Variants in ASTN2 observed in about 807,000 individuals in gnomAD.
ASTN2 encodes the protein astrotactin-2.
ASTN2 carries 54 observed loss-of-function variants against 139.8 expected under a neutral mutation model. The observed-to-expected ratio is 0.39, with a 90% CI of 0.31 to 0.48. The LOEUF (loss-of-function observed/expected upper bound fraction) is 0.48, where lower values mean the gene tolerates loss of function less well. Ranked by LOEUF, ASTN2 falls within the 20% of genes least tolerant of loss-of-function variation. The probability of loss-of-function intolerance (pLI) is 0.95; values close to 1 mark genes in which losing one functional copy is unlikely to be tolerated. For synonymous variants in ASTN2, 756 were observed against 719.5 expected, an observed-to-expected ratio of 1.05 and a Z score of -0.81; for missense variants, 1,565 against 1,725.1, an observed-to-expected ratio of 0.91 and a Z score of 1.64.
intron 12 of ASTN2, among the ~76,000 whole-genome samples, chr9:116,807,181 T>C (rs549069919): frequency 6.6e-6 from 1 of 152,246 alleles, no homozygotes; most frequent in Admixed American, 6.5e-5. Context: ...GTAGCAAAGA[T>C]TCATTGAAGC....
chr9:117,353,726 G>A (rs946314314), intron 1 of ASTN2, among the ~76,000 whole-genome samples: 8 of 152,092 alleles, frequency 5.3e-5, no homozygotes, highest in Non-Finnish European at 1.0e-4. Flanking sequence ...TGCCCTAATC[G>A]CGCCATCTGC....
chr9:116,740,142 T>C (rs1829059787), intron 13 of ASTN2, among the ~76,000 whole-genome samples: 1 of 152,218 alleles, frequency 6.6e-6, no homozygotes, highest in Non-Finnish European at 1.5e-5. Context: ...TTGGTGTGCA[T>C]ATGTGCATTC....
intron 13 of ASTN2, among the ~76,000 whole-genome samples, chr9:116,786,045 C>T (rs1830367181): frequency 6.6e-6 from 1 of 152,150 alleles, no homozygotes; most frequent in Non-Finnish European, 1.5e-5. Context: ...TTTTTTCCTA[C>T]TACTTGCCCC....
At chr9:116,911,924 CTGTG>C (rs1393063765) in intron 10 of ASTN2, among the ~76,000 whole-genome samples, 1 of 152,044 alleles carries the variant, frequency 6.6e-6, no homozygotes, top group African/African-American at 2.4e-5. Context: ...AACAAAACCT[CTGTG>C]TATTATTATC....
chr9:117,134,287 TATATATATACACACAC>T (rs71379266), intron 4 of ASTN2, among the ~76,000 whole-genome samples: 1,245 of 81,932 alleles, frequency 0.015, 17 homozygotes, highest in Non-Finnish European at 0.018. Context: ...TATATATATA[TATATATATACACACAC>T]ACACACACAC....
At chr9:116,824,127 T>C (rs1192604911) in intron 11 of ASTN2, among the ~76,000 whole-genome samples, 1 of 152,206 alleles carries the variant, frequency 6.6e-6, no homozygotes, top group African/African-American at 2.4e-5. Flanking sequence ...TCCACACTAC[T>C]TCTTATAAGT....
chr9:117,285,136 A>G (rs930996330), intron 2 of ASTN2, among the ~76,000 whole-genome samples: 10 of 152,216 alleles, frequency 6.6e-5, no homozygotes, highest in Non-Finnish European at 1.2e-4. Context: ...AAATAAACAC[A>G]ATATTTCAGT....
intron 12 of ASTN2, among the ~76,000 whole-genome samples, chr9:116,809,117 T>A (rs1831101732): frequency 6.6e-6 from 1 of 152,166 alleles, no homozygotes; most frequent in African/African-American, 2.4e-5. Context: ...GATATCTTAT[T>A]ACCTCTTTCT....
chr9:116,886,708 G>A (rs1314143311), intron 10 of ASTN2, among the ~76,000 whole-genome samples: 2 of 150,894 alleles, frequency 1.3e-5, no homozygotes, highest in African/African-American at 4.8e-5. Context: ...AGTGGGGATA[G>A]AACTTGGCAT....
intron 3 of ASTN2, chr9:117,197,303 A>G (rs1259857714): frequency 1.3e-5 from 2 of 152,200 alleles, no homozygotes; most frequent in Non-Finnish European, 2.9e-5. Flanking sequence ...GTCTTTAGTC[A>G]AGGGTATATG....
intron 11 of ASTN2, among the ~76,000 whole-genome samples, chr9:116,843,157 C>T (rs923395465): frequency 6.6e-6 from 1 of 152,004 alleles, no homozygotes; most frequent in South Asian, 2.1e-4. Flanking sequence ...CATTGTTGCC[C>T]TATTCACAAT....
At chr9:116,647,240 A>G (rs1393540498) in intron 17 of ASTN2, among the ~76,000 whole-genome samples, 1 of 152,152 alleles carries the variant, frequency 6.6e-6, no homozygotes, top group African/African-American at 2.4e-5. Context: ...TGTCTTCTCC[A>G]TAAGTCTGTG....
At chr9:117,262,863 C>T (rs1833858025) in intron 2 of ASTN2, among the ~76,000 whole-genome samples, 1 of 152,120 alleles carries the variant, frequency 6.6e-6, no homozygotes, top group South Asian at 2.1e-4. Flanking sequence ...GAGAAGAACT[C>T]GACCCCCTAG....
intron 6 of ASTN2, among the ~76,000 whole-genome samples, chr9:117,034,781 G>T (rs1321943386): frequency 6.6e-6 from 1 of 152,084 alleles, no homozygotes; most frequent in Non-Finnish European, 1.5e-5. Context: ...ATGCAAACAT[G>T]TTCCATTTCT....
chr9:117,252,913 C>G (rs1173917853), intron 2 of ASTN2, among the ~76,000 whole-genome samples: 2 of 151,688 alleles, frequency 1.3e-5, no homozygotes, highest in African/African-American at 4.8e-5. Flanking sequence ...GTGCCTGGCT[C>G]TCAGTAAGTG....
intron 3 of ASTN2, among the ~76,000 whole-genome samples, chr9:117,165,355 A>G (rs1229274075): frequency 6.6e-6 from 1 of 152,070 alleles, no homozygotes; most frequent in African/African-American, 2.4e-5. Context: ...CAAGAAGGTG[A>G]AATATCTTCC....
intron 1 of ASTN2, among the ~76,000 whole-genome samples, chr9:117,308,009 G>A (rs768346344): frequency 2.3e-4 from 35 of 152,034 alleles, no homozygotes; most frequent in Non-Finnish European, 4.6e-4. Context: ...ATTTTGTTAT[G>A]GGAAAAAAAT....
chr9:116,838,666 C>A (rs1340966556), intron 11 of ASTN2, among the ~76,000 whole-genome samples: 1 of 150,288 alleles, frequency 6.7e-6, no homozygotes, highest in Non-Finnish European at 1.5e-5. Context: ...CTCAGGTGAT[C>A]CACCCGCCTC....
At chr9:117,321,575 G>C (rs1050460041) in intron 1 of ASTN2, among the ~76,000 whole-genome samples, 8 of 152,172 alleles carry the variant, frequency 5.3e-5, no homozygotes, top group Non-Finnish European at 7.3e-5. Flanking sequence ...AAAGTTCACT[G>C]TCATGCATCT....
Sources: allele counts gnomAD v4.1 joint callset (sites outside exome capture counted in the v4.1 genomes callset), GRCh38; gene constraint gnomAD v4.1.1; transcripts MANE v1.5; gene names NCBI Gene and HGNC (gene_info 2026-07-23, HGNC 2026-07-21).